PCDHGA6: variants seen among roughly 807,000 people sequenced by gnomAD.
The protein encoded by PCDHGA6 is protocadherin gamma-A6.
A neutral mutation model predicts 60.6 loss-of-function variants in PCDHGA6; 41 were observed. The ratio of observed to expected loss-of-function variants is 0.68; its 90% CI spans 0.53 to 0.88. The LOEUF (loss-of-function observed/expected upper bound fraction) is 0.88. PCDHGA6 is among the 40% of genes least tolerant of loss of function. The pLI is 0.00. For synonymous variants in PCDHGA6, 594 were observed against 524.4 expected (o/e 1.13, Z -1.81); for missense variants, 1,312 against 1,203.0 (o/e 1.09, Z -1.34).
At chr5:141,410,191 C>G in intron 1 of PCDHGA6, 2 of 1,613,994 alleles carry the variant, frequency 1.2e-6, no homozygotes, top group Non-Finnish European at 1.7e-6. Context: ...TTCATCTGGT[C>G]TTCGCAGACA....
At chr5:141,414,059 A>C (rs1008514691) in intron 1 of PCDHGA6, 1 of 1,609,440 alleles carries the variant, frequency 6.2e-7, no homozygotes, top group East Asian at 2.2e-5. Flanking sequence ...CAATTGTTGA[A>C]GTTCCAACTA....
At chr5:141,496,310 A>G (rs1446146598) in intron 2 of PCDHGA6, among the ~76,000 whole-genome samples, 1 of 152,218 alleles carries the variant, frequency 6.6e-6, no homozygotes, top group East Asian at 1.9e-4. Context: ...GCTCTGCGCC[A>G]GGCCTCCCAG....
Position 141,430,964 on chromosome 5 carries a change from A to G in PCDHGA6, c.2424+54457A>G, listed in dbSNP as rs547574367. The G allele has an allele frequency of 7.3e-5, 117 of 1,612,860 alleles. No homozygotes were observed. The South Asian group carries it at 1.2e-3, about 17-fold the overall frequency. On this transcript the variant is annotated intron_variant, in intron 1 of 3. Coordinates refer to ENST00000517434, the MANE Select transcript of PCDHGA6 (RefSeq NM_018919.3). The stretch of plus-strand genomic sequence containing the variant: ...GGAGCGCGGAGTCCGCATCATCCCC[A>G]GAGGTAGGACGCAGCTTTTCGCCCT...
intron 1 of PCDHGA6, chr5:141,414,260 A>G: frequency 6.2e-7 from 1 of 1,613,444 alleles, no homozygotes; most frequent in Non-Finnish European, 8.5e-7. Context: ...CCAGTGACTG[A>G]AGATTCACCT....
In PCDHGA6 at chr5:141,486,474, C is replaced by T. The variant is rs1594589698; in HGVS notation, c.2425-8333C>T. On this transcript the variant is annotated intron_variant, in intron 1 of 3. Transcript: ENST00000517434. This position sits in a 1 kb window ranked among gnomAD's most constrained non-coding sequence, Gnocchi z 5.0. ...ACTGCTTCTGATGCTGGGAACCCTCCTCTCAGTACCCACAGAACTATTTTC... is the reference window on the plus strand; with the variant it reads ...ACTGCTTCTGATGCTGGGAACCCTCTTCTCAGTACCCACAGAACTATTTTC... 1 of 1,614,016 alleles carries T rather than the reference C, an allele frequency of 6.2e-7. No homozygotes were observed. Among genetic ancestry groups the T allele is most frequent in the South Asian group, 1.1e-5 (1 of 91,082 alleles).
chr5:141,500,434 C>T (rs1216731905), intron 2 of PCDHGA6, among the ~76,000 whole-genome samples: 1 of 152,014 alleles, frequency 6.6e-6, no homozygotes, highest in Non-Finnish European at 1.5e-5. Flanking sequence ...TGGTCTCGAT[C>T]TCCTGACCTC....
chr5:141,444,373 G>A (rs2098434682), intron 1 of PCDHGA6, among the ~76,000 whole-genome samples: 1 of 151,902 alleles, frequency 6.6e-6, no homozygotes, highest in South Asian at 2.1e-4. Context: ...GTTTCTCCAT[G>A]TTGGTCAGGC....
At chr5:141,389,008 G>A in intron 1 of PCDHGA6, 1 of 1,613,992 alleles carries the variant, frequency 6.2e-7, no homozygotes. Flanking sequence ...AAGGATTCCA[G>A]ACACAATGGA....
At chr5:141,479,561 G>A (rs1032137833) in intron 1 of PCDHGA6, 1 of 152,270 alleles carries the variant, frequency 6.6e-6, no homozygotes, top group African/African-American at 2.4e-5. Context: ...CTATCCAGTA[G>A]TGGGATGACA....
rs760509503 is a variant in PCDHGA6 at position 141,432,756 on chromosome 5, A to T, written c.2424+56249A>T. The T allele has an allele frequency of 5.6e-6, 9 of 1,613,958 alleles. No homozygotes were observed. Among genetic ancestry groups the T allele is most frequent in the Non-Finnish European group, 7.6e-6 (9 of 1,179,994 alleles). On this transcript the variant is annotated intron_variant, in intron 1 of 3. Transcript: ENST00000517434. This position sits in a 1 kb window ranked among gnomAD's most constrained non-coding sequence, Gnocchi z 6.0. ...GTCACGCTCACCGTGGCCGTGGCCG[A>T]CAGCATCCCCCAAGTCCTGGCGGAC...
intron 1 of PCDHGA6, among the ~76,000 whole-genome samples, chr5:141,463,990 G>A (rs2099073582): frequency 6.6e-6 from 1 of 151,990 alleles, no homozygotes; most frequent in Non-Finnish European, 1.5e-5. Flanking sequence ...TAAAAACCAG[G>A]TGCAGTGGCT....
chr5:141,487,404 C>T lies in PCDHGA6; in HGVS notation c.2425-7403C>T, dbSNP rs771371344. ...AGATCTCGAAGGAGGGAGGGGCTTC[C>T]CCCTTCCAATGGGATCCTCCGAATC... On this transcript the variant is annotated intron_variant, in intron 1 of 3. Transcript: ENST00000517434. The surrounding 1 kb of genome is among the most constrained non-coding windows in gnomAD (Gnocchi z 5.0). 2 of 1,614,178 alleles carry T rather than the reference C, an allele frequency of 1.2e-6. No homozygotes were observed. Among genetic ancestry groups the T allele is most frequent in the Non-Finnish European group, 8.5e-7 (1 of 1,180,032 alleles).
At chr5:141,500,241 C>T (rs1284996879) in intron 2 of PCDHGA6, among the ~76,000 whole-genome samples, 18 of 150,770 alleles carry the variant, frequency 1.2e-4, no homozygotes, top group Non-Finnish European at 1.5e-5. Flanking sequence ...CGTAGCCTTG[C>T]TCTGTCACCC....
chr5:141,401,822 C>T (rs1340105226), intron 1 of PCDHGA6, among the ~76,000 whole-genome samples: 1 of 152,188 alleles, frequency 6.6e-6, no homozygotes, highest in Non-Finnish European at 1.5e-5. Flanking sequence ...TTACAAAGTG[C>T]TGAGATTTCT....
rs768909291 is a variant in PCDHGA6 at position 141,375,147 on chromosome 5, C to A, written c.1064C>A (p.Thr355Lys). Residue 355 changes from threonine (T) to lysine (K), a missense_variant, in exon 1 of 4, where the codon ACA (threonine) becomes AAA (lysine). By Grantham distance (78) the Thr-to-Lys change is moderately conservative (BLOSUM62 -1). Transcript: ENST00000517434. ...GTGGTTGTTACATCTGGAAGCAGAACAATTGCTGAAAGTGCACCTCCAGGA... is the reference window on the plus strand; with the variant it reads ...GTGGTTGTTACATCTGGAAGCAGAAAAATTGCTGAAAGTGCACCTCCAGGA... ...PEVVVTSGSR[T>K]IAESAPPGTV... 1 of 1,613,946 alleles carries A rather than the reference C, an allele frequency of 6.2e-7. No homozygotes were observed. Among genetic ancestry groups the A allele is most frequent in the South Asian group, 1.1e-5 (1 of 91,086 alleles).
At chr5:141,504,671 G>C (rs1459848730) in intron 2 of PCDHGA6, among the ~76,000 whole-genome samples, 1 of 111,068 alleles carries the variant, frequency 9.0e-6, no homozygotes, top group East Asian at 3.2e-4. Context: ...GGGGGGTGGG[G>C]GTTCTTGTAA....
intron 1 of PCDHGA6, chr5:141,418,567 T>C: frequency 6.2e-7 from 1 of 1,614,014 alleles, no homozygotes; most frequent in Non-Finnish European, 8.5e-7. Flanking sequence ...TAGATGCCAA[T>C]GACAACCCCC....
intron 1 of PCDHGA6, among the ~76,000 whole-genome samples, chr5:141,481,148 C>G (rs2099532606): frequency 6.6e-6 from 1 of 152,176 alleles, no homozygotes; most frequent in Non-Finnish European, 1.5e-5. Context: ...AAGTGTTATT[C>G]TGGTATTTGC....
chr5:141,410,164 C>G (rs756470415), intron 1 of PCDHGA6: 8 of 1,613,642 alleles, frequency 5.0e-6, no homozygotes, highest in South Asian at 2.2e-5. Context: ...AGCCGCCACT[C>G]TCTGCCACCG....
Sources: gnomAD v4.1 joint callset for allele counts (sites outside exome capture counted in the v4.1 genomes callset) on GRCh38, gnomAD v4.1.1 for gene constraint, Gnocchi (gnomAD v3.1) non-coding constraint, MANE v1.5 for transcripts, NCBI Gene and HGNC (gene_info 2026-07-23, HGNC 2026-07-21) for gene names.